CYRIB: variants seen among roughly 807,000 people sequenced by gnomAD.
CYRIB encodes the protein CYFIP related Rac1 interactor B, also known as CYFIP-related Rac1 interactor B.
In CYRIB, 8 loss-of-function variants were observed where a neutral mutation model predicts 44.2. That is an observed-to-expected ratio of 0.18 (90% CI 0.11 to 0.33). The LOEUF is 0.33. Ranked by LOEUF, CYRIB falls within the 10% of genes least tolerant of loss-of-function variation. The pLI, the probability that CYRIB is intolerant of heterozygous loss-of-function variation, is 1.00. For missense variants in CYRIB, 185 were observed against 382.8 expected (o/e 0.48, Z 4.31); for synonymous variants, 131 against 127.2 (o/e 1.03, Z -0.20).
chr8:129,970,154 GC>G (rs1420855563), intron 2 of CYRIB, among the ~76,000 whole-genome samples: 11 of 152,152 alleles, frequency 7.2e-5, no homozygotes, highest in Non-Finnish European at 1.6e-4. Flanking sequence ...GCATTTTACA[GC>G]ATGTAAGATA....
At chr8:129,981,860 C>T (rs2096250992) in intron 1 of CYRIB, among the ~76,000 whole-genome samples, 1 of 152,160 alleles carries the variant, frequency 6.6e-6, no homozygotes, top group Non-Finnish European at 1.5e-5. Flanking sequence ...AGACAGGTGC[C>T]CCCGCTGGTC....
At chr8:129,842,112 T>C (rs376567124) in exon 12 of CYRIB, 3 of 1,551,268 alleles carry the variant, frequency 1.9e-6, no homozygotes, top group East Asian at 2.2e-5. Flanking sequence ...TACTGTCTTC[T>C]GTCTACAGCA....
intron 1 of CYRIB, among the ~76,000 whole-genome samples, chr8:129,997,119 A>AGGAGGAGGAGGAGGAGGAGGAGG (rs1554770832): frequency 1.1e-5 from 1 of 89,894 alleles, no homozygotes; most frequent in Admixed American, 1.1e-4. Flanking sequence ...GGAAGGAAGG[A>AGGAGGAGGAGGAGGAGGAGGAGG]AGGAGGAGGA....
chr8:129,964,360 A>G (rs1415190677), intron 2 of CYRIB, among the ~76,000 whole-genome samples: 1 of 152,246 alleles, frequency 6.6e-6, no homozygotes, highest in Non-Finnish European at 1.5e-5. Context: ...AGAATCTTAC[A>G]GTTGGAAAAA....
intron 1 of CYRIB, among the ~76,000 whole-genome samples, chr8:129,980,362 T>C (rs1171395349): frequency 2.6e-5 from 4 of 152,200 alleles, no homozygotes; most frequent in African/African-American, 9.7e-5. Context: ...GCGTGGTGCT[T>C]AACATGTTGA....
intron 1 of CYRIB, among the ~76,000 whole-genome samples, chr8:130,000,233 G>A (rs1592177898): frequency 6.6e-6 from 1 of 152,246 alleles, no homozygotes; most frequent in East Asian, 1.9e-4. Flanking sequence ...TGGGGTAAGG[G>A]ATAGAGACGG....
chr8:129,987,201 A>G (rs993624291), intron 1 of CYRIB, among the ~76,000 whole-genome samples: 1 of 152,146 alleles, frequency 6.6e-6, no homozygotes, highest in African/African-American at 2.4e-5. Flanking sequence ...AGGAGACAAA[A>G]CCTGGCCCAC....
At chr8:129,941,065 T>C (rs1396071270), upstream of CYRIB, among the ~76,000 whole-genome samples, 1 of 152,058 alleles carries the variant, frequency 6.6e-6, no homozygotes, top group Non-Finnish European at 1.5e-5. Context: ...TTGAGTTATG[T>C]AGAAACCAAA....
chr8:129,898,658 C>T (rs903886218), intron 2 of CYRIB, among the ~76,000 whole-genome samples: 1 of 152,094 alleles, frequency 6.6e-6, no homozygotes, highest in African/African-American at 2.4e-5. Context: ...AATCTATCTC[C>T]TCCAGGCTTA....
intron 1 of CYRIB, among the ~76,000 whole-genome samples, chr8:129,929,135 T>G (rs180948263): frequency 6.6e-6 from 1 of 152,266 alleles, no homozygotes; most frequent in East Asian, 1.9e-4. Context: ...ACACTCAACA[T>G]GCATGAACCA....
At chr8:129,918,252 T>A (rs750922105) in intron 1 of CYRIB, among the ~76,000 whole-genome samples, 2 of 152,172 alleles carry the variant, frequency 1.3e-5, no homozygotes, top group Non-Finnish European at 2.9e-5. Flanking sequence ...AATCCCAGAT[T>A]GAGAAACTTT....
chr8:129,990,562 G>C lies in CYRIB; in HGVS notation c.-295-19567C>G, dbSNP rs540993861. The stretch of plus-strand genomic sequence containing the variant: ...CTTCCCCAAGACAGGGTTTCACTCT[G>C]TCAGGCTAGAGTGTAGTGGCAGGAT... On this transcript the variant is annotated intron_variant, in intron 1 of 14. Coordinates refer to the CYRIB transcript ENST00000401979. 1.7e-4 allele frequency among the ~76,000 whole-genome samples: 26 copies of C among 151,968 alleles called. No individual in the cohort carries two copies. The South Asian group carries it at 4.6e-3, about 27-fold the overall frequency.
intron 1 of CYRIB, among the ~76,000 whole-genome samples, chr8:129,976,928 G>A (rs766057432): frequency 1.4e-4 from 21 of 151,712 alleles, no homozygotes; most frequent in Admixed American, 3.3e-4. Context: ...TGTAACCTCC[G>A]CCTCCTGGGT....
intron 1 of CYRIB, among the ~76,000 whole-genome samples, chr8:129,925,625 A>G (rs1396869521): frequency 2.0e-5 from 3 of 152,092 alleles, no homozygotes; most frequent in African/African-American, 7.2e-5. Flanking sequence ...CAGATCTCTT[A>G]GTCCAAAAAA....
intron 1 of CYRIB, among the ~76,000 whole-genome samples, chr8:129,907,514 G>A (rs1351367095): frequency 6.6e-6 from 1 of 152,006 alleles, no homozygotes; most frequent in Non-Finnish European, 1.5e-5. Flanking sequence ...AATGGGTGCA[G>A]CACACCAACA....
intron 2 of CYRIB, among the ~76,000 whole-genome samples, chr8:129,960,649 G>GAA (rs746019281): frequency 1.4e-4 from 4 of 29,036 alleles, no homozygotes; most frequent in African/African-American, 4.0e-4. Flanking sequence ...TCTGTCTCAA[G>GAA]AAAAAAAAAA....
intron 1 of CYRIB, among the ~76,000 whole-genome samples, chr8:130,011,227 G>C (rs150327122): frequency 6.6e-6 from 1 of 152,264 alleles, no homozygotes; most frequent in Non-Finnish European, 1.5e-5. Context: ...AAGCTTTCAA[G>C]AACGCTGAGG....
intron 1 of CYRIB, among the ~76,000 whole-genome samples, chr8:129,978,747 G>C (rs2096071485): frequency 6.6e-6 from 1 of 152,188 alleles, no homozygotes; most frequent in African/African-American, 2.4e-5. Context: ...ATTCCCAGGT[G>C]TTTAATTTCC....
At chr8:129,987,980 T>C (rs918271094) in intron 1 of CYRIB, among the ~76,000 whole-genome samples, 2 of 152,192 alleles carry the variant, frequency 1.3e-5, no homozygotes, top group Admixed American at 6.5e-5. Flanking sequence ...CCCTGATGTC[T>C]TCAATGTAAA....
Sources: gnomAD v4.1 joint callset for allele counts (sites outside exome capture counted in the v4.1 genomes callset) on GRCh38, gnomAD v4.1.1 for gene constraint, MANE v1.5 for transcripts, NCBI Gene and HGNC (gene_info 2026-07-23, HGNC 2026-07-21) for gene names.